Variants in DLL4 observed in about 807,000 individuals in gnomAD.
The protein encoded by DLL4 is delta-like protein 4.
Under a neutral mutation model 73.6 loss-of-function variants are expected in DLL4, and 7 were observed. That is an observed-to-expected ratio of 0.10 (90% confidence interval 0.05 to 0.18). The LOEUF is 0.18. DLL4 is among the 10% of genes least tolerant of loss of function. The pLI, the probability that DLL4 is intolerant of heterozygous loss-of-function variation, is 1.00. For missense variants in DLL4, 614 were observed against 929.9 expected (o/e 0.66, Z 4.42); for synonymous variants, 345 against 374.3 (o/e 0.92, Z 0.90).
chr15:40,936,180 A>C, intron 8 of DLL4, 48 bp from the exon 9 acceptor site: 4 of 1,473,086 alleles, frequency 2.7e-6, no homozygotes, highest in Non-Finnish European at 3.6e-6. Flanking sequence ...CCCCTGCCCC[A>C]GGGAGCTCCC....
Position 40,930,768 on chromosome 15 carries a change from C to T in DLL4, c.394+86C>T. ...CTGTTCTAGGCGGGGGAAGTGCGGGCTTGGGGGTGGGAGGCAGGACGCTTA... is the reference window on the plus strand; with the variant it reads ...CTGTTCTAGGCGGGGGAAGTGCGGGTTTGGGGGTGGGAGGCAGGACGCTTA... On this transcript the variant is annotated intron_variant, in intron 3 of 10. Transcript: ENST00000249749. The surrounding 1 kb of genome is among the most constrained non-coding windows in gnomAD (Gnocchi z 5.7). 7.4e-7 allele frequency: 1 copy of T among 1,357,998 alleles called. No homozygotes were observed. The highest frequency in any genetic ancestry group is 1.0e-6 in the Non-Finnish European group (1 of 968,310). The allele number at this position is 1,357,998 out of a possible 1,614,324, so 84.1% of individuals were successfully genotyped here.
At chr15:40,931,313 T>C in intron 3 of DLL4, 190 bp from the exon 4 acceptor site, 1 of 641,882 alleles carries the variant, frequency 1.6e-6, no homozygotes, top group Non-Finnish European at 2.7e-6. Flanking sequence ...TGCACACACG[T>C]AGGGCAGCTA....
chr15:40,935,116 C>T lies in DLL4; in HGVS notation c.1239C>T (p.Asn413=), dbSNP rs35748882. ...VDRCTSNPCA[N]GGQCLNRGPS... ...GGTGCACCAGCAACCCCTGTGCCAACGGTGCGTGCTGCTGCCCTGCTAACC... is the reference window on the plus strand; with the variant it reads ...GGTGCACCAGCAACCCCTGTGCCAATGGTGCGTGCTGCTGCCCTGCTAACC... The change falls in exon 8 of 11, where the codon AAC becomes AAT. Residue 413 remains asparagine (N), a splice_region_variant and synonymous_variant. Coordinates refer to ENST00000249749, the MANE Select transcript of DLL4 (RefSeq NM_019074.4). 0.017 allele frequency: 27,152 copies of T among 1,610,812 alleles called. 296 individuals carry two copies. Among genetic ancestry groups the T allele is most frequent in the Non-Finnish European group, 0.02 (23,537 of 1,179,456 alleles).
In DLL4 at chr15:40,930,680, C is replaced by T. The variant is rs1244328186; in HGVS notation, c.392C>T (p.Pro131Leu). The T allele has an allele frequency of 6.2e-7, 1 of 1,613,698 alleles. No homozygotes were observed. The change falls in exon 3 of 11, where the codon CCA (proline) becomes CTA (leucine). Residue 131 changes from proline to leucine, a missense_variant and splice_region_variant. This residue lies in a region of DLL4 where 227 missense variants were observed against 370.8 expected (regional missense o/e 0.61). Coordinates refer to ENST00000249749, the MANE Select transcript of DLL4 (RefSeq NM_019074.4). This position sits in a 1 kb window ranked among gnomAD's most constrained non-coding sequence, Gnocchi z 5.7. The stretch of plus-strand genomic sequence containing the variant: ...CACGCGCCAGGAGACGACCTGCGGC[C>T]AGGTGAGTAGCTCGCTCCGCCACCA... ...AWHAPGDDLR[P>L]EALPPDALIS...
At chr15:40,933,875 A>G (rs1267822428) in intron 6 of DLL4, among the ~76,000 whole-genome samples, 1 of 152,100 alleles carries the variant, frequency 6.6e-6, no homozygotes, top group African/African-American at 2.4e-5. Flanking sequence ...AAAATACAAA[A>G]GTTAGCCAGG....
In DLL4 at chr15:40,930,167, C is replaced by G; in HGVS notation, c.336+51C>G. On this transcript the variant is annotated intron_variant, in intron 2 of 10. Transcript: ENST00000249749. This position sits in a 1 kb window ranked among gnomAD's most constrained non-coding sequence, Gnocchi z 5.7. Reference sequence around the variant, plus strand: ...AGGTCGCAGAAGCCGAGAGAGGAGGCGCCCTGGGACCAAAGCCCCCTCCCC... The same window carrying G: ...AGGTCGCAGAAGCCGAGAGAGGAGGGGCCCTGGGACCAAAGCCCCCTCCCC... The G allele has an allele frequency of 6.4e-7, 1 of 1,569,546 alleles. No individual in the cohort carries two copies. The highest frequency in any genetic ancestry group is 8.6e-7 in the Non-Finnish European group (1 of 1,157,802).
chr15:40,930,911 G>A lies in DLL4; in HGVS notation c.394+229G>A, dbSNP rs967443637. The A allele has an allele frequency of 1.7e-6, 1 of 591,622 alleles. No individual in the cohort carries two copies. Among genetic ancestry groups the A allele is most frequent in the Non-Finnish European group, 3.0e-6 (1 of 333,354 alleles). 36.6% of individuals were successfully genotyped at this position (591,622 alleles called of 1,614,324 possible). On this transcript the variant is annotated intron_variant, in intron 3 of 10. Coordinates refer to ENST00000249749, the MANE Select transcript of DLL4 (RefSeq NM_019074.4). The surrounding 1 kb of genome is among the most constrained non-coding windows in gnomAD (Gnocchi z 5.7). ...GGCGTGGGAACGCGGGGAGTACGGCGGTGAGAAAGGCTGAAGCTGCCAGCG... is the reference window on the plus strand; with the variant it reads ...GGCGTGGGAACGCGGGGAGTACGGCAGTGAGAAAGGCTGAAGCTGCCAGCG...
chr15:40,933,600 C>T (rs1391836460), intron 6 of DLL4, among the ~76,000 whole-genome samples: 1 of 152,108 alleles, frequency 6.6e-6, no homozygotes, highest in Non-Finnish European at 1.5e-5. Flanking sequence ...GAAATTTTAT[C>T]CCTCCTTCCA....
At chr15:40,937,647 A>T in intron 10 of DLL4, 121 bp downstream of exon 10, 1 of 776,112 alleles carries the variant, frequency 1.3e-6, no homozygotes. Context: ...GGCCAAGTTC[A>T]GTGGACTCTT....
chr15:40,936,328 C>T lies in DLL4; in HGVS notation c.1341C>T (p.Asn447=). 3.1e-6 allele frequency: 5 copies of T among 1,609,854 alleles called. No individual in the cohort carries two copies. The highest frequency in any genetic ancestry group is 4.2e-6 in the Non-Finnish European group (5 of 1,178,458). Residue 447 remains asparagine (N), a synonymous_variant, in exon 9 of 11, where the codon AAC becomes AAT. Transcript: ENST00000249749. ...CELHVSDCAR[N]PCAHGGTCHD... is the part of the protein sequence containing the mutation. The stretch of plus-strand genomic sequence containing the variant: ...TCCACGTCAGCGACTGTGCCCGTAA[C>T]CCTTGCGCCCACGGTGGCACTTGCC...
intron 3 of DLL4, 144 bp from the exon 4 acceptor site, chr15:40,931,359 G>T (rs1401443013): frequency 2.0e-6 from 2 of 1,017,188 alleles, no homozygotes; most frequent in African/African-American, 1.6e-5. Context: ...GCCTGTTCTT[G>T]CTGGCAGGCG....
rs1246597083 is a variant in DLL4 at position 40,930,474 on chromosome 15, G to A, written c.337-151G>A. 4.2e-6 allele frequency: 3 copies of A among 722,590 alleles called. No homozygotes were observed. The highest frequency in any genetic ancestry group is 7.3e-6 in the Non-Finnish European group (3 of 410,258). The allele number at this position is 722,590 out of a possible 1,614,324, so 44.8% of individuals were successfully genotyped here. On this transcript the variant is annotated intron_variant, in intron 2 of 10. Coordinates refer to ENST00000249749, the MANE Select transcript of DLL4 (RefSeq NM_019074.4). The surrounding 1 kb of genome is among the most constrained non-coding windows in gnomAD (Gnocchi z 5.7). ...TTCTCCTCTCGCCTTCCCTGCTCAA[G>A]CGCTACACTGTGCACAGCCCCGTTA...
chr15:40,931,587 A>C lies in DLL4; in HGVS notation c.479A>C (p.Gln160Pro). ...AVGQNWLLDEQTSTLTRLRYS... is the reference protein window; with the variant it reads ...AVGQNWLLDEPTSTLTRLRYS... ...GGTCAGAACTGGTTATTGGATGAGC[A>C]AACCAGCACCCTCACAAGGCTGCGC... The change falls in exon 4 of 11, where the codon CAA (glutamine) becomes CCA (proline). Residue 160 changes from glutamine (Q) to proline (P), a missense_variant. By Grantham distance (76) the Gln-to-Pro change is moderately conservative (BLOSUM62 -1). Coordinates refer to ENST00000249749, the MANE Select transcript of DLL4 (RefSeq NM_019074.4). The C allele has an allele frequency of 6.2e-7, 1 of 1,612,800 alleles. No homozygotes were observed. The highest frequency in any genetic ancestry group is 8.5e-7 in the Non-Finnish European group (1 of 1,179,380).
rs371931783 is a variant in DLL4 at position 40,930,561 on chromosome 15, G to C, written c.337-64G>C. 156 of 1,355,934 alleles carry C rather than the reference G, an allele frequency of 1.2e-4. No homozygotes were observed. The highest frequency in any genetic ancestry group is 9.0e-4 in the Middle Eastern group (5 of 5,560). 84.0% of individuals were successfully genotyped at this position (1,355,934 alleles called of 1,614,324 possible). The stretch of plus-strand genomic sequence containing the variant: ...GATTAATTAAACAGGCTGCCGCAAG[G>C]CACCCCCACCTCTCCCCGCTTGCTC... On this transcript the variant is annotated intron_variant, in intron 2 of 10. Transcript: ENST00000249749. This position sits in a 1 kb window ranked among gnomAD's most constrained non-coding sequence, Gnocchi z 5.7.
chr15:40,938,131 C>T lies in DLL4; in HGVS notation c.*97C>T. 1 of 1,326,652 alleles carries T rather than the reference C, an allele frequency of 7.5e-7. No homozygotes were observed. The highest frequency in any genetic ancestry group is 1.0e-6 in the Non-Finnish European group (1 of 998,034). 82.2% of individuals were successfully genotyped at this position (1,326,652 alleles called of 1,614,324 possible). On this transcript the variant is annotated 3_prime_UTR_variant, in exon 11 of 11. Transcript: ENST00000249749. ...TCCTGGATGGGACGTTTTTCATATG[C>T]AACGTGCTGCTCTCAGGAGGAGGAG...
chr15:40,936,124 G>A, intron 8 of DLL4, 104 bp from the exon 9 acceptor site: 3 of 950,644 alleles, frequency 3.2e-6, no homozygotes, highest in Non-Finnish European at 4.6e-6. Context: ...GGCTCTGCAG[G>A]TGGAGGTAGA....
intron 8 of DLL4, 106 bp downstream of exon 8, chr15:40,935,223 C>T: frequency 9.0e-7 from 1 of 1,116,798 alleles, no homozygotes; most frequent in Admixed American, 2.2e-5. Flanking sequence ...GCCACTCTGG[C>T]CCCCCATCTG....
chr15:40,936,979 T>C lies in DLL4; in HGVS notation c.1943+49T>C, dbSNP rs1052194597. 2.0e-6 allele frequency: 3 copies of C among 1,472,752 alleles called. No individual in the cohort carries two copies. The African/African-American group carries it at 4.3e-5, about 21-fold the overall frequency. 91.2% of individuals were successfully genotyped at this position (1,472,752 alleles called of 1,614,324 possible). ...GGCCTGGCCACCGGCCCCGACATGG[T>C]TCTGCCTAGGCTCCTCTTAGGCCAG... is the stretch of plus-strand genomic sequence containing the variant. On this transcript the variant is annotated intron_variant, in intron 9 of 10. Transcript: ENST00000249749.
rs542855263 is a variant in DLL4 at position 40,930,772 on chromosome 15, G to T, written c.394+90G>T. 1.0e-5 allele frequency: 14 copies of T among 1,353,054 alleles called. No homozygotes were observed. In the East Asian group the frequency reaches 2.5e-4, roughly 24 times the overall value. 83.8% of individuals were successfully genotyped at this position (1,353,054 alleles called of 1,614,324 possible). A position where few individuals can be genotyped will look rare whatever the true frequency, so the allele number is the denominator to read the frequency against. On this transcript the variant is annotated intron_variant, in intron 3 of 10. Transcript: ENST00000249749. The surrounding 1 kb of genome is among the most constrained non-coding windows in gnomAD (Gnocchi z 5.7). ...TCTAGGCGGGGGAAGTGCGGGCTTG[G>T]GGGTGGGAGGCAGGACGCTTAGCTT...
Sources: allele counts gnomAD v4.1 joint callset (sites outside exome capture counted in the v4.1 genomes callset), GRCh38; gene constraint gnomAD v4.1.1; regional missense constraint gnomAD v4.1.1; non-coding constraint Gnocchi (gnomAD v3.1); transcripts MANE v1.5; gene names NCBI Gene and HGNC (gene_info 2026-07-23, HGNC 2026-07-21).